The following CEP83 variants were observed in gnomAD, a reference collection of about 807,000 sequenced individuals.
CEP83 encodes the protein centrosomal protein 83, also known as centrosomal protein of 83 kDa.
A neutral mutation model predicts 101.9 loss-of-function variants in CEP83; 70 were observed. The observed-to-expected ratio is 0.69, with a 90% CI of 0.57 to 0.84. CEP83 has a LOEUF of 0.84. Ranked by LOEUF, CEP83 falls within the 40% of genes least tolerant of loss-of-function variation. CEP83 has a pLI of 0.00. For missense variants in CEP83, 715 were observed against 787.2 expected (o/e 0.91, Z 1.10); for synonymous variants, 264 against 267.9 (o/e 0.99, Z 0.14).
intron 14 of CEP83, among the ~76,000 whole-genome samples, chr12:94,317,573 CTTGAG>C (rs1374959897): frequency 6.6e-6 from 1 of 152,128 alleles, no homozygotes; most frequent in African/African-American, 2.4e-5. Context: ...TTTAATCCTT[CTTGAG>C]TTGACTTTTG....
intron 1 of CEP83, among the ~76,000 whole-genome samples, chr12:94,443,999 C>T (rs930705247): frequency 5.9e-5 from 9 of 152,216 alleles, no homozygotes; most frequent in African/African-American, 2.2e-4. Flanking sequence ...GAATCCTACT[C>T]TCCCATAGGC....
At chr12:94,274,279 A>G in the CEP83 span, among the ~76,000 whole-genome samples, 3 of 151,696 alleles carry the variant, frequency 2.0e-5, no homozygotes, top group South Asian at 2.1e-4. Context: ...TCGAGGCTGC[A>G]GTAAGCCATG....
chr12:94,435,149 T>G (rs1272011574), intron 2 of CEP83, 126 bp downstream of exon 2: 2 of 152,376 alleles, frequency 1.3e-5, no homozygotes, highest in Non-Finnish European at 2.9e-5. Context: ...TCTCTGCTTA[T>G]GAATCCCCCT....
chr12:94,423,312 G>A (rs189369935), intron 2 of CEP83, among the ~76,000 whole-genome samples: 152 of 152,238 alleles, frequency 1.0e-3, no homozygotes, highest in Admixed American at 2.7e-3. Flanking sequence ...TTGAATTCCC[G>A]ACATCAAGTG....
chr12:94,446,763 T>C (rs1047088612), intron 1 of CEP83, among the ~76,000 whole-genome samples: 6 of 152,148 alleles, frequency 3.9e-5, no homozygotes, highest in Admixed American at 2.0e-4. Flanking sequence ...ACACGAAATA[T>C]GCAGTGGGAG....
At chr12:94,427,808 G>C (rs2065319161) in intron 2 of CEP83, among the ~76,000 whole-genome samples, 3 of 152,162 alleles carry the variant, frequency 2.0e-5, no homozygotes, top group Admixed American at 2.0e-4. Flanking sequence ...CAAAACATTA[G>C]AAATGAATTT....
intron 2 of CEP83, among the ~76,000 whole-genome samples, chr12:94,429,493 G>C (rs1392520856): frequency 6.6e-6 from 1 of 152,188 alleles, no homozygotes; most frequent in African/African-American, 2.4e-5. Context: ...CCAACAGACT[G>C]CACCTTGTGC....
At chr12:94,415,293 C>T (rs1376688157) in intron 2 of CEP83, among the ~76,000 whole-genome samples, 1 of 151,874 alleles carries the variant, frequency 6.6e-6, no homozygotes, top group Non-Finnish European at 1.5e-5. Context: ...ATGATTGTTT[C>T]AGTATAAACA....
At chr12:94,349,285 C>CAA (rs567484415) in intron 11 of CEP83, among the ~76,000 whole-genome samples, 7,180 of 73,256 alleles carry the variant, frequency 0.098, 203 homozygotes, top group Middle Eastern at 0.15. Context: ...GACTCTGTCT[C>CAA]AAAAAAAAAA....
chr12:94,306,428 A>AAAG (rs1969024963), downstream of CEP83: 1 of 152,164 alleles, frequency 6.6e-6, no homozygotes, highest in African/African-American at 2.4e-5. Context: ...CTTTCTTTTT[A>AAAG]AAGAATTCTC....
At chr12:94,376,943 G>A (rs910635315) in intron 7 of CEP83, among the ~76,000 whole-genome samples, 3 of 151,970 alleles carry the variant, frequency 2.0e-5, no homozygotes, top group Admixed American at 2.0e-4. Context: ...TTTCACCCGT[G>A]TTGTTCAGGC....
the CEP83 span, chr12:94,277,907 T>A: frequency 1.3e-5 from 6 of 455,780 alleles, no homozygotes; most frequent in African/African-American, 6.0e-5. Context: ...TAAGTTGAGG[T>A]AGGCCTGAGG....
In CEP83 at chr12:94,417,293, G is replaced by A. The variant is rs938316849; in HGVS notation, c.-101-4702C>T. On this transcript the variant is annotated intron_variant, in intron 2 of 16. Coordinates refer to ENST00000397809, the MANE Select transcript of CEP83 (RefSeq NM_016122.3). ...ATTATGCCACCACACTCTAGCCCAG[G>A]CAACAAAGCAAGATTCCCACCTCTT... 2.6e-5 allele frequency among the ~76,000 whole-genome samples: 4 copies of A among 151,814 alleles called. No homozygotes were observed. The East Asian group carries it at 7.7e-4, about 29-fold the overall frequency.
chr12:94,420,788 T>A (rs1420092544), intron 2 of CEP83, among the ~76,000 whole-genome samples: 2 of 152,092 alleles, frequency 1.3e-5, no homozygotes, highest in Non-Finnish European at 1.5e-5. Flanking sequence ...ACTAAATTAT[T>A]ACAAATAGAT....
rs554475309 is a variant in CEP83, at chr12:94,310,805, T to C, written c.1812-698A>G. 2.0e-4 allele frequency among the ~76,000 whole-genome samples: 30 copies of C among 152,358 alleles called. No individual in the cohort carries two copies. The Middle Eastern group carries it at 0.014, about 69-fold the overall frequency. On this transcript the variant is annotated intron_variant, in intron 15 of 16. Transcript: ENST00000397809. ...ATATAGAGATTTTCATAGTTCAATC[T>C]AATTTTCAAAATGTCAGTGTAATAT...
chr12:94,312,926 T>C lies in CEP83; in HGVS notation c.1799A>G (p.Gln600Arg). 1 of 1,554,518 alleles carries C rather than the reference T, an allele frequency of 6.4e-7. No individual in the cohort carries two copies. The highest frequency in any genetic ancestry group is 8.8e-7 in the Non-Finnish European group (1 of 1,131,448). Residue 600 changes from glutamine to arginine, a missense_variant, in exon 15 of 17, where the codon CAG becomes CGG. Transcript: ENST00000397809. ...AKKEELETEN[Q>R]VLNRQNVPFE... The stretch of plus-strand genomic sequence containing the variant: ...ACAAACACATTACCTATTTAAGACC[T>C]GATTTTCTGTTTCCAATTCTTCTTT...
At chr12:94,424,990 C>CGA in intron 2 of CEP83, 1 of 1,242,224 alleles carries the variant, frequency 8.1e-7, no homozygotes, top group East Asian at 4.5e-5. Context: ...TGTTAGGGAA[C>CGA]GAGTGAGAGA....
In CEP83 at chr12:94,345,307, T is replaced by C. The variant is rs551708075; in HGVS notation, c.1344-9643A>G. On this transcript the variant is annotated intron_variant, in intron 11 of 16. Coordinates refer to ENST00000397809, the MANE Select transcript of CEP83 (RefSeq NM_016122.3). ...GTATATATATTGGTTTACATATACA[T>C]ATGGGTTTACATTCATGGTTCCTGG... is the stretch of plus-strand genomic sequence containing the variant. 2.6e-5 allele frequency among the ~76,000 whole-genome samples: 4 copies of C among 152,360 alleles called. No homozygotes were observed. The South Asian group carries it at 8.3e-4, about 32-fold the overall frequency.
At chr12:94,429,298 C>A (rs532947066) in intron 2 of CEP83, among the ~76,000 whole-genome samples, 9 of 152,240 alleles carry the variant, frequency 5.9e-5, no homozygotes, top group African/African-American at 2.2e-4. Context: ...ACCATGGATA[C>A]TTGCAATCCT....
Sources: gnomAD v4.1 joint callset for allele counts (sites outside exome capture counted in the v4.1 genomes callset) on GRCh38, gnomAD v4.1.1 for gene constraint, MANE v1.5 for transcripts, NCBI Gene and HGNC (gene_info 2026-07-23, HGNC 2026-07-21) for gene names.